The following SPATA16 variants were observed in gnomAD, a reference collection of about 807,000 sequenced individuals.
SPATA16 encodes the protein spermatogenesis-associated protein 16.
Under a neutral mutation model 63.3 loss-of-function variants are expected in SPATA16, and 36 were observed. That is an observed-to-expected ratio of 0.57 (90% CI 0.44 to 0.75). The LOEUF (loss-of-function observed/expected upper bound fraction) is 0.75. SPATA16 is among the 30% of genes least tolerant of loss of function. The probability of loss-of-function intolerance (pLI) is 0.00; values close to 1 mark genes in which losing one functional copy is unlikely to be tolerated. For missense variants in SPATA16, 646 were observed against 679.3 expected, an observed-to-expected ratio of 0.95 and a Z score of 0.54; for synonymous variants, 203 against 216.7, an observed-to-expected ratio of 0.94 and a Z score of 0.56.
At chr3:173,135,886 C>T (rs1208393288) in intron 1 of SPATA16, among the ~76,000 whole-genome samples, 1 of 152,172 alleles carries the variant, frequency 6.6e-6, no homozygotes. Flanking sequence ...TTGATTAAAT[C>T]TGTCTTCATT....
At position 173,104,794 on chromosome 3, in the gene SPATA16, A is replaced by G. The variant is rs543720887; in HGVS notation, c.612+12326T>C. Among the ~76,000 whole-genome samples, 103 of 152,238 alleles carry G rather than the reference A, an allele frequency of 6.8e-4. No individual in the cohort carries two copies. The South Asian group carries it at 0.021, about 31-fold the overall frequency. ...CATTCTTAGAGATTTCACCCTGTCA[A>G]TCATATTTTTCTTGACTTATTCCCT... On this transcript the variant is annotated intron_variant, in intron 2 of 10. Coordinates refer to ENST00000351008, the MANE Select transcript of SPATA16 (RefSeq NM_031955.6).
chr3:172,954,630 A>T (rs993774761), intron 6 of SPATA16, among the ~76,000 whole-genome samples: 3 of 152,110 alleles, frequency 2.0e-5, no homozygotes, highest in African/African-American at 7.2e-5. Context: ...ATAACACCTG[A>T]CCTTTCCTCT....
intron 4 of SPATA16, among the ~76,000 whole-genome samples, chr3:173,018,072 A>G (rs1013108635): frequency 6.6e-6 from 1 of 152,300 alleles, no homozygotes; most frequent in Non-Finnish European, 1.5e-5. Context: ...AATATGCAAA[A>G]AAGAGAGTGA....
chr3:172,902,194 C>T (rs888663360), intron 10 of SPATA16, among the ~76,000 whole-genome samples: 2 of 151,372 alleles, frequency 1.3e-5, no homozygotes, highest in Non-Finnish European at 2.9e-5. Context: ...TGTGCCACAA[C>T]ACCCAGCTAA....
chr3:173,109,894 A>G (rs1347391877), intron 2 of SPATA16, among the ~76,000 whole-genome samples: 2 of 152,212 alleles, frequency 1.3e-5, no homozygotes, highest in Non-Finnish European at 2.9e-5. Flanking sequence ...GGTAAATGCT[A>G]GTGGTATTAA....
intron 4 of SPATA16, among the ~76,000 whole-genome samples, chr3:173,010,450 GTGTGTGTGTGTGTGTGTGTGTT>G (rs1735043536): frequency 6.6e-6 from 1 of 150,950 alleles, no homozygotes; most frequent in African/African-American, 2.5e-5. Context: ...GTGTGTGTGT[GTGTGTGTGTGTGTGTGTGTGTT>G]TGTTTTTGTT....
chr3:173,075,128 C>T (rs1419250150), intron 2 of SPATA16, among the ~76,000 whole-genome samples: 1 of 149,778 alleles, frequency 6.7e-6, no homozygotes, highest in Non-Finnish European at 1.5e-5. Context: ...ACATGTACAC[C>T]CTGAATCTAA....
chr3:173,066,764 A>C (rs1736530520), intron 2 of SPATA16, among the ~76,000 whole-genome samples: 1 of 152,160 alleles, frequency 6.6e-6, no homozygotes, highest in African/African-American at 2.4e-5. Flanking sequence ...AGGCATAAAC[A>C]AACATCCATA....
chr3:172,960,904 TCCTCCCTCCCTCC>T (rs1733742048), intron 5 of SPATA16, among the ~76,000 whole-genome samples: 27 of 148,286 alleles, frequency 1.8e-4, no homozygotes, highest in Admixed American at 4.0e-4. Flanking sequence ...CTTCCTTCCT[TCCTCCCTCCCTCC>T]CTTCCTTCCT....
chr3:172,897,258 T>C (rs76620901), intron 10 of SPATA16, among the ~76,000 whole-genome samples: 14,839 of 152,142 alleles, frequency 0.098, 819 homozygotes, highest in African/African-American at 0.15. Context: ...AAACAATCAG[T>C]ACAGGATATA....
intron 3 of SPATA16, among the ~76,000 whole-genome samples, chr3:173,031,671 T>C (rs904742225): frequency 1.3e-5 from 2 of 152,094 alleles, no homozygotes; most frequent in Non-Finnish European, 2.9e-5. Flanking sequence ...AGAAAACTTA[T>C]GCAACAGTGC....
chr3:173,031,251 C>T (rs756527050), intron 3 of SPATA16, among the ~76,000 whole-genome samples: 11 of 151,758 alleles, frequency 7.2e-5, no homozygotes, highest in African/African-American at 1.9e-4. Context: ...ACAGTTAAAA[C>T]GACAACAAAA....
At position 172,908,837 on chromosome 3, in the gene SPATA16, G is replaced by GT. The variant is rs11292582; in HGVS notation, c.1587+4823dup. ...AACACAGTGTAGCTTGTACAATTAG[G>GT]TTTTTTTTTTTAATTATTTTTTTTT... On this transcript the variant is annotated intron_variant, in intron 10 of 10. Transcript: ENST00000351008. Among the ~76,000 whole-genome samples the GT allele has an allele frequency of 5.2e-3, 767 of 147,614 alleles. 6 individuals are homozygous for GT. Among genetic ancestry groups the GT allele is most frequent in the African/African-American group, 0.017 (676 of 40,348 alleles).
At chr3:173,030,636 A>C (rs1422661047) in intron 3 of SPATA16, among the ~76,000 whole-genome samples, 1 of 152,094 alleles carries the variant, frequency 6.6e-6, no homozygotes, top group Non-Finnish European at 1.5e-5. Flanking sequence ...TGGGATTGTA[A>C]AATGATGCAC....
At chr3:172,968,756 C>T (rs1011282078) in intron 5 of SPATA16, among the ~76,000 whole-genome samples, 15 of 152,162 alleles carry the variant, frequency 9.9e-5, no homozygotes, top group Non-Finnish European at 1.9e-4. Context: ...ATACATGCCT[C>T]AATTACATCT....
At chr3:172,988,858 G>A (rs189178966) in intron 4 of SPATA16, among the ~76,000 whole-genome samples, 6 of 152,172 alleles carry the variant, frequency 3.9e-5, no homozygotes, top group Non-Finnish European at 5.9e-5. Context: ...GGCTGGTCTC[G>A]AACTCCTGAC....
chr3:173,027,003 A>T (rs949679526), intron 3 of SPATA16, among the ~76,000 whole-genome samples: 1 of 151,892 alleles, frequency 6.6e-6, no homozygotes, highest in African/African-American at 2.4e-5. Context: ...AAACTTTAAG[A>T]TCTATTGACA....
intron 2 of SPATA16, among the ~76,000 whole-genome samples, chr3:173,092,680 CTTGATT>C (rs1465699686): frequency 6.6e-6 from 1 of 152,092 alleles, no homozygotes; most frequent in Admixed American, 6.6e-5. Context: ...CTGCAAACAC[CTTGATT>C]TTAGCCCAGT....
chr3:173,022,538 G>A (rs1222370041), intron 3 of SPATA16, among the ~76,000 whole-genome samples: 1 of 152,150 alleles, frequency 6.6e-6, no homozygotes, highest in Non-Finnish European at 1.5e-5. Flanking sequence ...CAGTTGTAAA[G>A]CCTAGCTTTT....
Sources: gnomAD v4.1 joint callset for allele counts (sites outside exome capture counted in the v4.1 genomes callset) on GRCh38, gnomAD v4.1.1 for gene constraint, MANE v1.5 for transcripts, NCBI Gene and HGNC (gene_info 2026-07-23, HGNC 2026-07-21) for gene names.